ZNF582: variants seen among roughly 807,000 people sequenced by gnomAD.
ZNF582 encodes the protein zinc finger protein 582.
Under a neutral mutation model 12.3 loss-of-function variants are expected in ZNF582, and 14 were observed. The ratio of observed to expected loss-of-function variants is 1.14; its 90% CI spans 0.75 to 1.78. The LOEUF (loss-of-function observed/expected upper bound fraction) is 1.78. Among genes scored for constraint, ZNF582 ranks in the 40% most tolerant of loss-of-function variants. The pLI is 0.00. For missense variants in ZNF582, 567 were observed against 616.5 expected (o/e 0.92, Z 0.85); for synonymous variants, 210 against 207.2 (o/e 1.01, Z -0.11).
At chr19:56,388,089 G>C (rs1342911261) in intron 4 of ZNF582, among the ~76,000 whole-genome samples, 2 of 149,436 alleles carry the variant, frequency 1.3e-5, no homozygotes, top group African/African-American at 4.9e-5. Context: ...ATGTTAACTA[G>C]CTTTTACTGA....
intron 3 of ZNF582, 130 bp from the exon 4 acceptor site, chr19:56,390,226 G>A (rs1383725555): frequency 7.4e-7 from 1 of 1,359,792 alleles, no homozygotes; most frequent in African/African-American, 1.4e-5. Context: ...GTTGCCTGGG[G>A]GTAGGGGGAT....
exon 5 of ZNF582, chr19:56,383,268 A>G (rs539020935): frequency 6.6e-6 from 1 of 152,362 alleles, no homozygotes; most frequent in East Asian, 1.9e-4. Flanking sequence ...AAAGAAACAA[A>G]AACTGAGATT....
exon 5 of ZNF582, chr19:56,383,100 A>AC (rs1399164848): frequency 6.6e-6 from 1 of 152,246 alleles, no homozygotes; most frequent in African/African-American, 2.4e-5. Flanking sequence ...TGATATTCTC[A>AC]GAGTCCAAGG....
Position 56,389,954 on chromosome 19 carries a change from C to A in ZNF582, c.232+47G>T, listed in dbSNP as rs370008050. ...AAGACAAAGGGCCACTTCCAGCGGA[C>A]CTGATACCTGCAGTGGCTGCTCCCT... is the stretch of plus-strand genomic sequence containing the variant. On this transcript the variant is annotated intron_variant, in intron 4 of 4. Coordinates refer to ENST00000586929, the Ensembl canonical transcript of ZNF582. The A allele has an allele frequency of 9.9e-6, 15 of 1,513,664 alleles. No individual in the cohort carries two copies. The African/African-American group carries it at 1.9e-4, about 19-fold the overall frequency. The allele number at this position is 1,513,664 out of a possible 1,614,324, so 93.8% of individuals were successfully genotyped here.
rs367748333 is a variant in ZNF582, at chr19:56,388,707, A to G, written c.232+1294T>C. Among the ~76,000 whole-genome samples the G allele has an allele frequency of 9.9e-5, 15 of 152,104 alleles. No homozygotes were observed. The East Asian group carries it at 2.9e-3, about 29-fold the overall frequency. ...GAGCGCAGTGGTTCGATCTCGGATC[A>G]CTGCAATCTCCGCCTCCCGTGTTCA... On this transcript the variant is annotated intron_variant, in intron 4 of 4. Transcript: ENST00000586929.
chr19:56,390,459 C>T (rs2042006022), exon 3 of ZNF582: 9 of 1,614,120 alleles, frequency 5.6e-6, no homozygotes, highest in Non-Finnish European at 7.6e-6. Flanking sequence ...TGCCATTCTT[C>T]TTGGGAGAAG....
At chr19:56,389,973 G>C (rs745648493) in intron 4 of ZNF582, 28 bp downstream of exon 4, 19 of 1,590,512 alleles carry the variant, frequency 1.2e-5, no homozygotes, top group Middle Eastern at 3.3e-4. Flanking sequence ...TGCAGTGGCT[G>C]CTCCCTTCCC....
At chr19:56,390,291 A>T in intron 3 of ZNF582, 84 bp downstream of exon 3, 2 of 1,595,810 alleles carry the variant, frequency 1.3e-6, no homozygotes, top group Non-Finnish European at 1.7e-6. Context: ...CCAACCAATC[A>T]TAAGACTGAA....
At chr19:56,390,118 C>G (rs764118823) in intron 3 of ZNF582, 22 bp from the exon 4 acceptor site, 1 of 1,610,172 alleles carries the variant, frequency 6.2e-7, no homozygotes, top group South Asian at 1.1e-5. Context: ...AAGAAACATG[C>G]CACCTGGTTA....
At chr19:56,389,692 T>G (rs2041999369) in intron 4 of ZNF582, among the ~76,000 whole-genome samples, 2 of 152,098 alleles carry the variant, frequency 1.3e-5, no homozygotes, top group Non-Finnish European at 2.9e-5. Flanking sequence ...AATATTAAAA[T>G]TAAAATTAAT....
exon 5 of ZNF582, chr19:56,382,857 T>C (rs1179776013): frequency 6.6e-6 from 1 of 152,194 alleles, no homozygotes; most frequent in Non-Finnish European, 1.5e-5. Flanking sequence ...TCAGCTTCTC[T>C]GAGGTCCACT....
intron 4 of ZNF582, 127 bp from the exon 5 acceptor site, chr19:56,385,311 T>C (rs764472306): frequency 1.1e-5 from 11 of 961,240 alleles, no homozygotes; most frequent in Non-Finnish European, 1.6e-5. Flanking sequence ...AATTATAAAA[T>C]GGACAAGTAG....
At chr19:56,385,275 C>G (rs944875828) in intron 4 of ZNF582, 91 bp from the exon 5 acceptor site, 3 of 1,294,398 alleles carry the variant, frequency 2.3e-6, no homozygotes, top group African/African-American at 3.0e-5. Flanking sequence ...GACTCAATGC[C>G]TATTAACTCT....
At chr19:56,391,654 G>A in intron 2 of ZNF582, 90 bp downstream of exon 2, 3 of 1,187,594 alleles carry the variant, frequency 2.5e-6, no homozygotes, top group Non-Finnish European at 3.8e-6. Flanking sequence ...CCCTAAAATG[G>A]GAAAGTCTGA....
intron 4 of ZNF582, 91 bp from the exon 5 acceptor site, chr19:56,385,275 C>A: frequency 7.7e-7 from 1 of 1,294,396 alleles, no homozygotes; most frequent in Non-Finnish European, 1.0e-6. Context: ...GACTCAATGC[C>A]TATTAACTCT....
Position 56,390,517 on chromosome 19 carries a change from T to C in ZNF582, c.10-16A>G, listed in dbSNP as rs1400204391. On this transcript the variant is annotated splice_polypyrimidine_tract_variant and intron_variant, in intron 2 of 4. Transcript: ENST00000586929. ...ATTCTGACCCCTGGAATGACAGGCA[T>C]GTATGATATATATGTATTTCAATGG... The C allele has an allele frequency of 3.1e-6, 5 of 1,613,838 alleles. No individual in the cohort carries two copies. The East Asian group carries it at 6.7e-5, about 22-fold the overall frequency.
intron 4 of ZNF582, chr19:56,387,284 G>T: frequency 6.6e-6 from 1 of 152,186 alleles, no homozygotes; most frequent in East Asian, 1.9e-4. Context: ...CCTAACATTT[G>T]TCTGGGTTTT....
rs1275210675 is a variant in ZNF582 at position 56,384,720 on chromosome 19, C to A, written c.697G>T (p.Gly233Ter). 2.5e-6 allele frequency: 4 copies of A among 1,611,818 alleles called. No individual in the cohort carries two copies. The highest frequency in any genetic ancestry group is 3.4e-6 in the Non-Finnish European group (4 of 1,178,880). ...TTTGAACCAGAATTGAAGGCCTTTC[C>A]ACATTCCTTACATTCATATGGTTTC... Residue 233 changes from glycine to a stop codon, truncating the protein, a stop_gained, in exon 5 of 5, where the codon GGA becomes TGA. Transcript: ENST00000586929. LOFTEE classifies it low-confidence loss of function (END_TRUNC).
intron 4 of ZNF582, among the ~76,000 whole-genome samples, chr19:56,385,688 G>A (rs896853991): frequency 1.4e-5 from 2 of 146,316 alleles, no homozygotes; most frequent in African/African-American, 2.5e-5. Flanking sequence ...AAAAAAAAAA[G>A]AGTTGGTGTG....
Sources: gnomAD v4.1 joint callset for allele counts (sites outside exome capture counted in the v4.1 genomes callset) on GRCh38, gnomAD v4.1.1 for gene constraint, MANE v1.5 for transcripts, NCBI Gene and HGNC (gene_info 2026-07-23, HGNC 2026-07-21) for gene names.